The following CEP112 variants were observed in gnomAD, a reference collection of about 807,000 sequenced individuals.
The protein encoded by CEP112 is centrosomal protein 112.
Under a neutral mutation model 153.0 loss-of-function variants are expected in CEP112, and 127 were observed. The observed-to-expected ratio is 0.83, with a 90% CI of 0.72 to 0.96. The LOEUF (loss-of-function observed/expected upper bound fraction) is 0.96, where lower values mean the gene tolerates loss of function less well. Ranked by LOEUF, CEP112 falls within the 40% of genes least tolerant of loss-of-function variation. The pLI is 0.00. For synonymous variants in CEP112, 358 were observed against 374.4 expected (o/e 0.96, Z 0.51); for missense variants, 1,089 against 1,101.2 (o/e 0.99, Z 0.16).
At chr17:65,869,729 G>T (rs1050145750) in intron 20 of CEP112, among the ~76,000 whole-genome samples, 1 of 151,626 alleles carries the variant, frequency 6.6e-6, no homozygotes, top group East Asian at 1.9e-4. Context: ...ACAGGCAGGC[G>T]CCCGCCACCA....
chr17:65,655,203 C>G, intron 24 of CEP112: 1 of 783,790 alleles, frequency 1.3e-6, no homozygotes. Flanking sequence ...GTCTCACTGG[C>G]GCTTGTTGCA....
chr17:66,123,235 C>T (rs966120223), intron 6 of CEP112, among the ~76,000 whole-genome samples: 6 of 152,174 alleles, frequency 3.9e-5, no homozygotes, highest in Non-Finnish European at 8.8e-5. Context: ...GGAAAAGAGC[C>T]CTTTCCCCCA....
intron 24 of CEP112, among the ~76,000 whole-genome samples, chr17:65,674,835 A>G (rs1165252181): frequency 6.6e-6 from 1 of 152,204 alleles, no homozygotes; most frequent in Non-Finnish European, 1.5e-5. Flanking sequence ...CAGACTCACA[A>G]GAAGCAAGAC....
intron 17 of CEP112, among the ~76,000 whole-genome samples, chr17:65,986,163 A>G (rs1487308402): frequency 6.6e-6 from 1 of 151,034 alleles, no homozygotes; most frequent in Non-Finnish European, 1.5e-5. Context: ...ATACCTAGAA[A>G]GAGAAAGGGG....
chr17:65,844,961 C>T lies in CEP112; in HGVS notation c.2394+6843G>A, dbSNP rs139546974. Among the ~76,000 whole-genome samples the T allele has an allele frequency of 7.6e-3, 1,144 of 151,416 alleles. 9 individuals carry two copies. Among genetic ancestry groups the T allele is most frequent in the South Asian group, 0.019 (89 of 4,772 alleles). Reference sequence around the variant, plus strand: ...CTGGGAGGCAGAGGTTGCAGTGAGCCGAGATTGTGCCACTGCACTTCAGCC... The same window carrying T: ...CTGGGAGGCAGAGGTTGCAGTGAGCTGAGATTGTGCCACTGCACTTCAGCC... On this transcript the variant is annotated intron_variant, in intron 21 of 26. Coordinates refer to ENST00000535342, the MANE Select transcript of CEP112 (RefSeq NM_001199165.4).
chr17:65,802,407 T>C (rs1026639944), intron 21 of CEP112, among the ~76,000 whole-genome samples: 6 of 152,184 alleles, frequency 3.9e-5, no homozygotes, highest in Admixed American at 6.5e-5. Flanking sequence ...CTTGCAAAAC[T>C]ACATCCTCAG....
At chr17:65,852,352 TTCCCCTCCCCTCC>T (rs2057980500) in intron 20 of CEP112, among the ~76,000 whole-genome samples, 1 of 64,772 alleles carries the variant, frequency 1.5e-5, no homozygotes, top group Non-Finnish European at 2.9e-5. Context: ...CCTCCTTCCC[TTCCCCTCCCCTCC>T]TCCCTTCCCT....
At chr17:66,067,477 T>A (rs191874139) in intron 9 of CEP112, among the ~76,000 whole-genome samples, 2 of 152,342 alleles carry the variant, frequency 1.3e-5, no homozygotes, top group African/African-American at 4.8e-5. Flanking sequence ...TACTGTTGTT[T>A]ATCTGCTAGC....
At chr17:65,920,709 C>T (rs982044232) in intron 19 of CEP112, among the ~76,000 whole-genome samples, 7 of 151,820 alleles carry the variant, frequency 4.6e-5, no homozygotes, top group African/African-American at 7.3e-5. Flanking sequence ...TGTCAGTGGC[C>T]TGCTTAAAAT....
chr17:65,948,595 TACATAG>T, intron 18 of CEP112, among the ~76,000 whole-genome samples: 1 of 149,006 alleles, frequency 6.7e-6, no homozygotes, highest in African/African-American at 2.5e-5. Flanking sequence ...TATATATACA[TACATAG>T]AAATAATTCT....
intron 21 of CEP112, among the ~76,000 whole-genome samples, chr17:65,812,152 C>T (rs981729064): frequency 2.4e-4 from 37 of 151,920 alleles, no homozygotes; most frequent in Non-Finnish European, 3.7e-4. Flanking sequence ...TACAGGCGCC[C>T]GCCACCACGC....
In CEP112 at chr17:65,856,107, A is replaced by C. The variant is rs371306609; in HGVS notation, c.2164-4073T>G. On this transcript the variant is annotated intron_variant, in intron 20 of 26. Transcript: ENST00000535342. ...AAATAGTAATATATATATACTTAAT[A>C]TACTGAAAAGTGTAATGGAAGAAGT... Among the ~76,000 whole-genome samples, 35 of 152,300 alleles carry C rather than the reference A, an allele frequency of 2.3e-4. 1 individual carries two copies. In the South Asian group the frequency reaches 6.8e-3, roughly 30 times the overall value.
chr17:65,894,234 G>A (rs2059584791), intron 20 of CEP112, among the ~76,000 whole-genome samples: 1 of 152,062 alleles, frequency 6.6e-6, no homozygotes, highest in African/African-American at 2.4e-5. Context: ...TCTGCATGCA[G>A]AATAATGCTT....
intron 17 of CEP112, among the ~76,000 whole-genome samples, chr17:65,991,359 T>A (rs1487377814): frequency 6.6e-6 from 1 of 152,124 alleles, no homozygotes; most frequent in Non-Finnish European, 1.5e-5. Context: ...TATATGAAAA[T>A]CTGACATATT....
intron 4 of CEP112, among the ~76,000 whole-genome samples, 193 bp downstream of exon 4, chr17:66,174,851 A>G (rs1352668739): frequency 6.6e-6 from 1 of 152,206 alleles, no homozygotes; most frequent in East Asian, 1.9e-4. Context: ...CCACTTGTCA[A>G]GCAATCAAAA....
Position 65,743,216 on chromosome 17 carries a change from A to T in CEP112, c.2459T>A (p.Ile820Asn). 1.9e-6 allele frequency: 3 copies of T among 1,603,860 alleles called. No individual in the cohort carries two copies. The highest frequency in any genetic ancestry group is 2.5e-6 in the Non-Finnish European group (3 of 1,177,128). Residue 820 changes from isoleucine (I) to asparagine (N), a missense_variant and splice_region_variant, in exon 23 of 27, where the codon ATC becomes AAC. By Grantham distance (149) the Ile-to-Asn change is moderately radical. Coordinates refer to ENST00000535342, the MANE Select transcript of CEP112 (RefSeq NM_001199165.4). ...AATGGTTGTCTGAAGTTCTGCTATG[A>T]TCTAAAATGAAAACAGCATGCTATA... ...YTQKLAKSSQ[I>N]IAELQTTISS... is the part of the protein sequence containing the mutation.
intron 22 of CEP112, 59 bp downstream of exon 22, chr17:65,750,603 G>A (rs2051767258): frequency 2.1e-6 from 3 of 1,416,638 alleles, no homozygotes; most frequent in Admixed American, 1.7e-5. Flanking sequence ...AGGCTTTTAT[G>A]TGGAGGTTTC....
chr17:65,733,711 T>C (rs1032347426), intron 23 of CEP112, among the ~76,000 whole-genome samples: 3 of 152,214 alleles, frequency 2.0e-5, no homozygotes, highest in Non-Finnish European at 4.4e-5. Context: ...CTATTTGTTA[T>C]CAGAACCTTT....
At chr17:66,001,028 G>A (rs1003860880) in intron 17 of CEP112, among the ~76,000 whole-genome samples, 5 of 152,178 alleles carry the variant, frequency 3.3e-5, no homozygotes, top group African/African-American at 4.8e-5. Flanking sequence ...GGCATGACAC[G>A]TCAATGTAAA....
Sources: gnomAD v4.1 joint callset for allele counts (sites outside exome capture counted in the v4.1 genomes callset) on GRCh38, gnomAD v4.1.1 for gene constraint, MANE v1.5 for transcripts, NCBI Gene and HGNC (gene_info 2026-07-23, HGNC 2026-07-21) for gene names.